Variants in PCDH15 observed in about 807,000 individuals in gnomAD.
The protein encoded by PCDH15 is protocadherin related 15, also known as protocadherin-15.
PCDH15 carries 129 observed loss-of-function variants against 178.5 expected under a neutral mutation model. The ratio of observed to expected loss-of-function variants is 0.72; its 90% CI spans 0.63 to 0.84. The LOEUF (loss-of-function observed/expected upper bound fraction) is 0.84. Among genes scored for constraint, PCDH15 ranks in the 40% least tolerant of loss-of-function variants. The probability of loss-of-function intolerance (pLI) is 0.00; values close to 1 mark genes in which losing one functional copy is unlikely to be tolerated. For missense variants in PCDH15, 2,230 were observed against 2,099.9 expected, an observed-to-expected ratio of 1.06 and a Z score of -1.21; for synonymous variants, 800 against 732.0, an observed-to-expected ratio of 1.09 and a Z score of -1.50.
At chr10:53,922,435 A>C (rs1419054964) in intron 25 of PCDH15, among the ~76,000 whole-genome samples, 2 of 152,202 alleles carry the variant, frequency 1.3e-5, no homozygotes, top group Non-Finnish European at 2.9e-5. Context: ...AGAAAGTTGA[A>C]GATTATAAAG....
At chr10:54,582,655 G>A (rs891204936) in intron 2 of PCDH15, among the ~76,000 whole-genome samples, 16 of 152,034 alleles carry the variant, frequency 1.1e-4, no homozygotes, top group Admixed American at 2.6e-4. Flanking sequence ...TCTCACTCCC[G>A]TAATCACAAC....
chr10:55,317,211 T>C (rs1843744659), intron 1 of PCDH15, among the ~76,000 whole-genome samples: 1 of 152,160 alleles, frequency 6.6e-6, no homozygotes, highest in African/African-American at 2.4e-5. Context: ...CACATTGTTG[T>C]GATTAAATGT....
chr10:54,168,263 G>A (rs1033354012), intron 13 of PCDH15, among the ~76,000 whole-genome samples: 50 of 152,196 alleles, frequency 3.3e-4, no homozygotes, highest in Non-Finnish European at 6.5e-4. Flanking sequence ...TGACGTCCAG[G>A]CATTCTTTTA....
intron 2 of PCDH15, among the ~76,000 whole-genome samples, chr10:55,593,609 A>C (rs1019442494): frequency 2.7e-4 from 41 of 151,996 alleles, no homozygotes; most frequent in Non-Finnish European, 5.2e-4. Context: ...AATACCTAAA[A>C]TATATTAAGA....
intron 35 of PCDH15, among the ~76,000 whole-genome samples, chr10:53,812,602 T>C (rs2075910938): frequency 6.6e-6 from 1 of 152,190 alleles, no homozygotes; most frequent in Admixed American, 6.5e-5. Context: ...AACATACTGA[T>C]TGATTTCTGT....
intron 8 of PCDH15, among the ~76,000 whole-genome samples, chr10:54,286,901 C>T (rs1486773372): frequency 1.3e-5 from 2 of 152,124 alleles, no homozygotes; most frequent in Non-Finnish European, 2.9e-5. Flanking sequence ...GGATTATAGG[C>T]GTGAGCCACT....
intron 2 of PCDH15, among the ~76,000 whole-genome samples, chr10:54,942,727 G>C (rs1294534587): frequency 1.3e-5 from 2 of 151,980 alleles, no homozygotes; most frequent in Non-Finnish European, 2.9e-5. Flanking sequence ...TGCGGAGCCT[G>C]AAAACAGGTT....
intron 26 of PCDH15, among the ~76,000 whole-genome samples, chr10:53,873,183 G>A (rs1212738386): frequency 6.6e-6 from 1 of 152,172 alleles, no homozygotes; most frequent in African/African-American, 2.4e-5. Context: ...ATCACCATCT[G>A]TAATTCCTTA....
chr10:54,864,464 T>A (rs1042183805), intron 3 of PCDH15, among the ~76,000 whole-genome samples: 3 of 152,180 alleles, frequency 2.0e-5, no homozygotes, highest in African/African-American at 7.2e-5. Context: ...ATGGAGATGC[T>A]ACAGAAAAAT....
chr10:54,720,681 A>C (rs894951194), intron 1 of PCDH15, among the ~76,000 whole-genome samples: 9 of 148,912 alleles, frequency 6.0e-5, no homozygotes, highest in African/African-American at 2.3e-4. Flanking sequence ...TCAATGCAAC[A>C]AGGTTTAACT....
intron 8 of PCDH15, among the ~76,000 whole-genome samples, chr10:54,260,254 G>A (rs1322777391): frequency 6.6e-6 from 1 of 151,952 alleles, no homozygotes. Context: ...CTTTCTGGGA[G>A]AAACTATTTA....
At chr10:55,192,013 A>G (rs546766712) in intron 1 of PCDH15, among the ~76,000 whole-genome samples, 1 of 152,036 alleles carries the variant, frequency 6.6e-6, no homozygotes, top group Admixed American at 6.6e-5. Context: ...TAGCTATTCC[A>G]TTGTCAGTGT....
chr10:55,533,802 G>A (rs567480564), intron 2 of PCDH15, among the ~76,000 whole-genome samples: 8 of 152,028 alleles, frequency 5.3e-5, no homozygotes, highest in Admixed American at 3.3e-4. Context: ...GAACAAAGCT[G>A]GAGGCACCAC....
At chr10:53,916,544 C>A (rs185308494) in intron 25 of PCDH15, among the ~76,000 whole-genome samples, 25 of 152,116 alleles carry the variant, frequency 1.6e-4, no homozygotes, top group African/African-American at 5.3e-4. Context: ...GAAAAAAAGA[C>A]ACTATTTTAA....
intron 1 of PCDH15, among the ~76,000 whole-genome samples, chr10:54,670,873 T>C (rs552709261): frequency 6.6e-6 from 1 of 152,168 alleles, no homozygotes; most frequent in Non-Finnish European, 1.5e-5. Flanking sequence ...CTACATTTCA[T>C]ATTTTTTTAC....
intron 2 of PCDH15, among the ~76,000 whole-genome samples, chr10:54,629,131 T>C (rs904596976): frequency 1.3e-5 from 2 of 151,858 alleles, no homozygotes; most frequent in Admixed American, 1.3e-4. Flanking sequence ...AGAAAGCATA[T>C]GCTTCAACAC....
At chr10:54,766,855 C>T (rs1591525644) in intron 1 of PCDH15, among the ~76,000 whole-genome samples, 2 of 151,806 alleles carry the variant, frequency 1.3e-5, no homozygotes, top group East Asian at 1.9e-4. Context: ...ACGTGAACCC[C>T]GGAGGTGGAG....
chr10:54,027,608 A>G (rs2093147596), intron 18 of PCDH15, among the ~76,000 whole-genome samples: 1 of 148,394 alleles, frequency 6.7e-6, no homozygotes, highest in African/African-American at 2.5e-5. Flanking sequence ...GATCAATGGA[A>G]CAGAACAGAG....
chr10:53,871,517 G>A (rs189951917), intron 26 of PCDH15, among the ~76,000 whole-genome samples: 2 of 150,900 alleles, frequency 1.3e-5, no homozygotes, highest in Admixed American at 6.6e-5. Context: ...CAAGTCCAGT[G>A]TAACTATTAT....
Sources: allele counts gnomAD v4.1 joint callset (sites outside exome capture counted in the v4.1 genomes callset), GRCh38; gene constraint gnomAD v4.1.1; transcripts MANE v1.5; gene names NCBI Gene and HGNC (gene_info 2026-07-23, HGNC 2026-07-21).